SHISA9: variants seen among roughly 807,000 people sequenced by gnomAD.
SHISA9 encodes the protein protein shisa-9.
SHISA9 carries 13 observed loss-of-function variants against 38.0 expected under a neutral mutation model. That is an observed-to-expected ratio of 0.34 (90% CI 0.22 to 0.54). SHISA9 has a LOEUF of 0.54. Among genes scored for constraint, SHISA9 ranks in the 20% least tolerant of loss-of-function variants. The pLI is 0.91. For missense variants in SHISA9, 538 were observed against 575.8 expected (o/e 0.93, Z 0.67); for synonymous variants, 275 against 242.0 (o/e 1.14, Z -1.27).
intron 2 of SHISA9, among the ~76,000 whole-genome samples, chr16:13,085,014 A>G (rs79596106): frequency 0.021 from 3,191 of 152,248 alleles, 51 homozygotes; most frequent in Admixed American, 0.047. Context: ...AAGGGAAGAC[A>G]TAAAGTGAAG....
At chr16:13,517,759 C>G in the SHISA9 span, among the ~76,000 whole-genome samples, 2 of 152,270 alleles carry the variant, frequency 1.3e-5, no homozygotes, top group South Asian at 4.1e-4. Context: ...TGCTCAAAAA[C>G]CTCTCAAAGT....
intron 2 of SHISA9, among the ~76,000 whole-genome samples, chr16:13,148,718 C>CACACACACACACAT (rs1555465949): frequency 8.0e-5 from 12 of 150,042 alleles, no homozygotes; most frequent in Admixed American, 1.3e-4. Flanking sequence ...CACACACACA[C>CACACACACACACAT]ATCATGACTA....
At chr16:13,216,270 C>T (rs2051168263) in intron 4 of SHISA9, among the ~76,000 whole-genome samples, 1 of 151,572 alleles carries the variant, frequency 6.6e-6, no homozygotes, top group Non-Finnish European at 1.5e-5. Context: ...ATACAGGCAC[C>T]ATCATTTGCT....
chr16:13,358,025 G>C, the SHISA9 span, among the ~76,000 whole-genome samples: 1 of 152,170 alleles, frequency 6.6e-6, no homozygotes, highest in African/African-American at 2.4e-5. Context: ...AGGTCACAGG[G>C]GATGTGATGG....
At chr16:13,090,640 C>T (rs1019079553) in intron 2 of SHISA9, among the ~76,000 whole-genome samples, 7 of 151,880 alleles carry the variant, frequency 4.6e-5, no homozygotes, top group Non-Finnish European at 1.0e-4. Flanking sequence ...TGTTTTTTTG[C>T]TTTCCATTTG....
the SHISA9 span, among the ~76,000 whole-genome samples, chr16:13,328,570 G>A: frequency 1.0e-4 from 15 of 148,576 alleles, no homozygotes; most frequent in African/African-American, 3.2e-4. Context: ...CCACCACCAC[G>A]CCTGGCTAAA....
chr16:13,096,749 C>T (rs780257783), intron 2 of SHISA9, among the ~76,000 whole-genome samples: 1 of 152,140 alleles, frequency 6.6e-6, no homozygotes, highest in South Asian at 2.1e-4. Context: ...CTCAGTTCCA[C>T]CTTCTTGGAC....
chr16:12,990,746 AC>A (rs2072374164), intron 2 of SHISA9, among the ~76,000 whole-genome samples: 1 of 152,170 alleles, frequency 6.6e-6, no homozygotes, highest in Admixed American at 6.5e-5. Context: ...GGCAGGCCCC[AC>A]AACAAAGAAT....
chr16:13,179,730 T>A (rs1388111411), intron 2 of SHISA9, among the ~76,000 whole-genome samples: 1 of 152,168 alleles, frequency 6.6e-6, no homozygotes, highest in African/African-American at 2.4e-5. Flanking sequence ...GGTGTGGAAA[T>A]CCAAGAATCT....
chr16:13,537,186 G>C, the SHISA9 span, among the ~76,000 whole-genome samples: 2 of 152,102 alleles, frequency 1.3e-5, no homozygotes, highest in African/African-American at 4.8e-5. Context: ...CTAGCACTTT[G>C]GGAGGCCTAC....
intron 2 of SHISA9, among the ~76,000 whole-genome samples, chr16:12,926,040 C>T (rs1292692134): frequency 6.6e-6 from 1 of 152,132 alleles, no homozygotes; most frequent in Non-Finnish European, 1.5e-5. Context: ...TTTTGCTTCT[C>T]ACAACATCTT....
the SHISA9 span, among the ~76,000 whole-genome samples, chr16:13,406,517 G>T: frequency 6.6e-6 from 1 of 152,182 alleles, no homozygotes; most frequent in African/African-American, 2.4e-5. Context: ...ACCTGCTCCT[G>T]TAGAACATTC....
chr16:13,452,602 A>G, the SHISA9 span, among the ~76,000 whole-genome samples: 1 of 152,148 alleles, frequency 6.6e-6, no homozygotes, highest in Non-Finnish European at 1.5e-5. Context: ...TCCTCTTCCT[A>G]CTACTTTGGG....
chr16:13,488,881 C>G, the SHISA9 span, among the ~76,000 whole-genome samples: 1 of 152,250 alleles, frequency 6.6e-6, no homozygotes, highest in Admixed American at 6.5e-5. Context: ...CCTGCCTCAG[C>G]CTCCTGAGTA....
At chr16:13,274,396 C>T in the SHISA9 span, among the ~76,000 whole-genome samples, 2 of 152,238 alleles carry the variant, frequency 1.3e-5, no homozygotes, top group South Asian at 2.1e-4. Flanking sequence ...TTAGGAAATG[C>T]ACTTTATATT....
At chr16:13,315,982 T>G in the SHISA9 span, among the ~76,000 whole-genome samples, 1 of 150,712 alleles carries the variant, frequency 6.6e-6, no homozygotes, top group African/African-American at 2.4e-5. Flanking sequence ...TAGGTTAGAG[T>G]AAATAACATC....
At chr16:13,083,506 T>C (rs1294690868) in intron 2 of SHISA9, among the ~76,000 whole-genome samples, 1 of 152,152 alleles carries the variant, frequency 6.6e-6, no homozygotes, top group Admixed American at 6.5e-5. Flanking sequence ...AGCAAGATTG[T>C]GCAGGGCAAG....
At chr16:12,945,297 C>T (rs8061005) in intron 2 of SHISA9, among the ~76,000 whole-genome samples, 30,769 of 152,004 alleles carry the variant, frequency 0.2, 3,840 homozygotes, top group Middle Eastern at 0.36. Flanking sequence ...ACAGCACATA[C>T]GGCAGCCCCT....
At chr16:12,963,065 C>A (rs1041395223) in intron 2 of SHISA9, among the ~76,000 whole-genome samples, 1 of 152,244 alleles carries the variant, frequency 6.6e-6, no homozygotes, top group Non-Finnish European at 1.5e-5. Flanking sequence ...TGGGTCCACA[C>A]AATCACACCC....
Sources: allele counts gnomAD v4.1 joint callset (sites outside exome capture counted in the v4.1 genomes callset), GRCh38; gene constraint gnomAD v4.1.1; transcripts MANE v1.5; gene names NCBI Gene and HGNC (gene_info 2026-07-23, HGNC 2026-07-21).